Variants in RGS17 observed in about 807,000 individuals in gnomAD.
RGS17 encodes the protein regulator of G-protein signaling 17.
A neutral mutation model predicts 25.5 loss-of-function variants in RGS17; 12 were observed. That is an observed-to-expected ratio of 0.47 (90% confidence interval 0.30 to 0.76). The LOEUF (loss-of-function observed/expected upper bound fraction) is 0.76, where lower values mean the gene tolerates loss of function less well. Ranked by LOEUF, RGS17 falls within the 30% of genes least tolerant of loss-of-function variation. The pLI, the probability that RGS17 is intolerant of heterozygous loss-of-function variation, is 0.07. For synonymous variants in RGS17, 71 were observed against 76.9 expected, an observed-to-expected ratio of 0.92 and a Z score of 0.40; for missense variants, 196 against 242.2, an observed-to-expected ratio of 0.81 and a Z score of 1.27.
At chr6:153,076,345 G>A (rs1039423614) in intron 1 of RGS17, among the ~76,000 whole-genome samples, 2 of 151,934 alleles carry the variant, frequency 1.3e-5, no homozygotes, top group Non-Finnish European at 2.9e-5. Context: ...TAAGAGAAAA[G>A]AGAAATACAG....
rs530017732 is a variant in RGS17 at position 153,101,781 on chromosome 6, T to C, written c.-26+29343A>G. Among the ~76,000 whole-genome samples the C allele has an allele frequency of 1.4e-3, 96 of 67,712 alleles. 1 individual carries two copies. The highest frequency in any genetic ancestry group is 0.015 in the Middle Eastern group (2 of 132). The allele number at this position is 67,712 out of a possible 152,430, so 44.4% of individuals were successfully genotyped here. A position where few individuals can be genotyped will look rare whatever the true frequency, so the allele number is the denominator to read the frequency against. On this transcript the variant is annotated intron_variant, in intron 1 of 4. Transcript: ENST00000206262. ...CTGGTTGTTTGAAAGTATGTGGTAC[T>C]TCCCCCTTCACTCTCTCTCTCTCTC...
At chr6:153,111,168 A>G (rs773627202) in intron 1 of RGS17, among the ~76,000 whole-genome samples, 1 of 152,142 alleles carries the variant, frequency 6.6e-6, no homozygotes, top group Non-Finnish European at 1.5e-5. Context: ...ACCCCCACGG[A>G]GCCCAGCAAG....
At chr6:153,090,907 C>T (rs1046654475) in intron 1 of RGS17, among the ~76,000 whole-genome samples, 12 of 152,006 alleles carry the variant, frequency 7.9e-5, no homozygotes, top group African/African-American at 2.7e-4. Flanking sequence ...TGGAACTAAT[C>T]CCCTGAGGAT....
rs181153802 is a variant in RGS17, at chr6:153,115,675, T to C, written c.-26+15449A>G. 3.9e-5 allele frequency among the ~76,000 whole-genome samples: 6 copies of C among 152,240 alleles called. No homozygotes were observed. The East Asian group carries it at 5.8e-4, about 15-fold the overall frequency. On this transcript the variant is annotated intron_variant, in intron 1 of 4. Transcript: ENST00000206262. The stretch of plus-strand genomic sequence containing the variant: ...CATCACACTACCTGACTTCAAACTA[T>C]ACTACAAGGCTACAGTAACAAAAAC...
chr6:153,106,221 G>A (rs565901031), intron 1 of RGS17, among the ~76,000 whole-genome samples: 3 of 152,102 alleles, frequency 2.0e-5, no homozygotes, highest in South Asian at 2.1e-4. Context: ...CACATGTCAC[G>A]TTCTGATGCA....
chr6:153,077,545 C>A (rs1346721428), intron 1 of RGS17, among the ~76,000 whole-genome samples: 2 of 152,072 alleles, frequency 1.3e-5, no homozygotes, highest in Admixed American at 6.6e-5. Flanking sequence ...AATGGTATAT[C>A]TTTCTGTAGG....
intron 1 of RGS17, among the ~76,000 whole-genome samples, chr6:153,127,578 G>A (rs1475242478): frequency 6.6e-6 from 1 of 152,178 alleles, no homozygotes; most frequent in African/African-American, 2.4e-5. Flanking sequence ...CACAATACAA[G>A]CTAAAGCCAG....
intron 3 of RGS17, among the ~76,000 whole-genome samples, chr6:153,024,976 G>C (rs967515578): frequency 6.6e-6 from 1 of 151,362 alleles, no homozygotes. Context: ...TTTAAAATAA[G>C]AATACACTGT....
At chr6:153,015,116 T>C (rs1217336413) in intron 4 of RGS17, among the ~76,000 whole-genome samples, 1 of 152,178 alleles carries the variant, frequency 6.6e-6, no homozygotes, top group Non-Finnish European at 1.5e-5. Flanking sequence ...TCCGATTTCA[T>C]AATAAAACTC....
At chr6:153,058,478 T>C (rs1776593531) in intron 1 of RGS17, among the ~76,000 whole-genome samples, 1 of 152,234 alleles carries the variant, frequency 6.6e-6, no homozygotes, top group Admixed American at 6.5e-5. Context: ...AAGTGACTCA[T>C]AGTACCCACA....
At chr6:153,062,455 G>A (rs9397581) in intron 1 of RGS17, among the ~76,000 whole-genome samples, 40,840 of 152,012 alleles carry the variant, frequency 0.27, 5,580 homozygotes, top group East Asian at 0.36. Context: ...CTAGCTGGAG[G>A]GGAATCACTA....
intron 2 of RGS17, among the ~76,000 whole-genome samples, chr6:153,042,675 A>T (rs1271250197): frequency 6.6e-6 from 1 of 152,220 alleles, no homozygotes; most frequent in African/African-American, 2.4e-5. Flanking sequence ...AGCAATATTG[A>T]TATCTATAAA....
intron 1 of RGS17, among the ~76,000 whole-genome samples, chr6:153,050,561 G>A (rs971173814): frequency 2.6e-5 from 4 of 152,100 alleles, no homozygotes; most frequent in African/African-American, 9.7e-5. Flanking sequence ...CTGTTAAAAA[G>A]TCATACAATA....
Position 153,011,337 on chromosome 6 carries a change from A to G in RGS17, c.*237T>C, listed in dbSNP as rs1170437889. The G allele has an allele frequency of 3.5e-5, 17 of 480,446 alleles. 1 individual carries two copies. The highest frequency in any genetic ancestry group is 6.3e-5 in the Non-Finnish European group (17 of 271,398). 29.8% of individuals were successfully genotyped at this position (480,446 alleles called of 1,614,324 possible). ...CTACAAATACACTTTGCTTGCAAGT[A>G]GAATGAGTCTTGAATAAAACAAACA... On this transcript the variant is annotated 3_prime_UTR_variant, in exon 5 of 5. Transcript: ENST00000206262.
At chr6:153,066,920 G>A (rs1278833550) in intron 1 of RGS17, among the ~76,000 whole-genome samples, 2 of 151,860 alleles carry the variant, frequency 1.3e-5, no homozygotes, top group African/African-American at 4.8e-5. Context: ...GGCACCTGTA[G>A]TCCCAGCTAC....
At chr6:153,056,815 T>A (rs1776566741) in intron 1 of RGS17, among the ~76,000 whole-genome samples, 1 of 151,366 alleles carries the variant, frequency 6.6e-6, no homozygotes, top group South Asian at 2.1e-4. Flanking sequence ...CCAATAGGAT[T>A]GAAAAACTCT....
intron 1 of RGS17, among the ~76,000 whole-genome samples, chr6:153,098,733 A>C (rs1383052671): frequency 6.6e-6 from 1 of 152,204 alleles, no homozygotes; most frequent in East Asian, 1.9e-4. Flanking sequence ...GTCAAGTTAA[A>C]GTGTGGGGTT....
At chr6:153,037,833 A>G (rs1584128536) in intron 2 of RGS17, among the ~76,000 whole-genome samples, 1 of 152,212 alleles carries the variant, frequency 6.6e-6, no homozygotes, top group African/African-American at 2.4e-5. Flanking sequence ...TCTATGTAAT[A>G]TAATTTTTAC....
intron 1 of RGS17, among the ~76,000 whole-genome samples, chr6:153,062,396 G>A (rs1454561257): frequency 6.6e-6 from 1 of 152,140 alleles, no homozygotes; most frequent in Non-Finnish European, 1.5e-5. Flanking sequence ...GGGAAAACTG[G>A]ACCAAATTCA....
Sources: gnomAD v4.1 joint callset for allele counts (sites outside exome capture counted in the v4.1 genomes callset) on GRCh38, gnomAD v4.1.1 for gene constraint, MANE v1.5 for transcripts, NCBI Gene and HGNC (gene_info 2026-07-23, HGNC 2026-07-21) for gene names.